Variants in NCL observed in about 807,000 individuals in gnomAD.
The protein encoded by NCL is nucleolin multifunctional protein.
Under a neutral mutation model 77.7 loss-of-function variants are expected in NCL, and 4 were observed. The ratio of observed to expected loss-of-function variants is 0.05; its 90% CI spans 0.03 to 0.12. NCL has a LOEUF of 0.12. Among genes scored for constraint, NCL ranks in the 10% least tolerant of loss-of-function variants. The pLI is 1.00. For missense variants in NCL, 763 were observed against 860.9 expected, an observed-to-expected ratio of 0.89 and a Z score of 1.42; for synonymous variants, 344 against 297.8, an observed-to-expected ratio of 1.16 and a Z score of -1.60.
At chr2:231,458,810 A>G (rs1047402104) in intron 7 of NCL, 191 bp downstream of exon 7, 27 of 585,138 alleles carry the variant, frequency 4.6e-5, no homozygotes, top group South Asian at 1.4e-4. Flanking sequence ...AATTTACACT[A>G]TAACACTGAC....
Position 231,460,277 on chromosome 2 carries a change from C to T in NCL, c.915G>A (p.Thr305=), listed in dbSNP as rs759669202. The change falls in exon 6 of 14, where the codon ACG becomes ACA. Residue 305 remains threonine, a synonymous_variant. Coordinates refer to ENST00000322723, the MANE Select transcript of NCL (RefSeq NM_005381.3). The stretch of plus-strand genomic sequence containing the variant: ...GGTTTCCAACAAAGAGATTGAAAGC[C>T]GTAGTCGGTTCTGTGCCTGCACAAA... The part of the protein sequence containing the change: ...KQKVEGTEPT[T]AFNLFVGNLN... The T allele has an allele frequency of 1.6e-5, 26 of 1,613,992 alleles. No homozygotes were observed. The highest frequency in any genetic ancestry group is 2.2e-5 in the South Asian group (2 of 91,036).
chr2:231,458,620 C>A (rs2046915635), intron 7 of NCL: 1 of 559,306 alleles, frequency 1.8e-6, no homozygotes. Flanking sequence ...TGGAGTTCAA[C>A]CTAGAGTAGA....
At chr2:231,458,545 G>T in intron 7 of NCL, 156 bp from the exon 8 acceptor site, 1 of 919,218 alleles carries the variant, frequency 1.1e-6, no homozygotes, top group Non-Finnish European at 1.6e-6. Flanking sequence ...AGATATAGCA[G>T]TGTCAACACA....
chr2:231,456,236 T>C (rs1259273719), intron 11 of NCL, 100 bp from the exon 12 acceptor site: 28 of 1,482,946 alleles, frequency 1.9e-5, no homozygotes, highest in Non-Finnish European at 2.6e-5. Flanking sequence ...ATACTTGTTA[T>C]AGTGAAAAAG....
At chr2:231,458,522 G>A (rs892054693) in intron 7 of NCL, 133 bp from the exon 8 acceptor site, 1 of 1,159,576 alleles carries the variant, frequency 8.6e-7, no homozygotes, top group Admixed American at 2.7e-5. Flanking sequence ...ACAAGGCTCG[G>A]TGCTAAATAT....
rs2305264 is a variant in NCL at position 231,456,787 on chromosome 2, T to G, written c.1572-23A>C. On this transcript the variant is annotated intron_variant, in intron 10 of 13. Transcript: ENST00000322723. ...TACCTGAGGATGAACAGTTAATGCT[T>G]AGAGTAAGTTACCAGGCACATGCTC... 7.0e-4 allele frequency: 1,128 copies of G among 1,612,994 alleles called. 25 individuals are homozygous for G. In the East Asian group the frequency reaches 0.024, roughly 35 times the overall value.
rs755241634 is a variant in NCL at position 231,454,869 on chromosome 2, A to AC, written c.*321_*322insG. 4.7e-6 allele frequency: 1 copy of AC among 214,272 alleles called. No individual in the cohort carries two copies. The highest frequency in any genetic ancestry group is 9.3e-6 in the Non-Finnish European group (1 of 107,592). The allele number at this position is 214,272 out of a possible 1,614,324, so 13.3% of individuals were successfully genotyped here. On this transcript the variant is annotated 3_prime_UTR_variant, in exon 14 of 14. Coordinates refer to ENST00000322723, the MANE Select transcript of NCL (RefSeq NM_005381.3). ...CGCAAAAAAAAAAAAAACAAAAACA[A>AC]AACAAAAAAAAGAAACAACAACAAA...
chr2:231,456,726 T>G lies in NCL; in HGVS notation c.1610A>C (p.Lys537Thr), dbSNP rs749795255. 1 of 1,614,188 alleles carries G rather than the reference T, an allele frequency of 6.2e-7. No homozygotes were observed. ...FIEFASFEDA[K>T]EALNSCNKRE... The stretch of plus-strand genomic sequence containing the variant: ...TTTATTACAGGAATTTAAAGCTTCT[T>G]TAGCGTCTTCGAATGAAGCAAACTC... The change falls in exon 11 of 14, where the codon AAA (lysine) becomes ACA (threonine). Residue 537 changes from lysine (K) to threonine (T), a missense_variant. By Grantham distance (78) the Lys-to-Thr change is moderately conservative. This residue lies in a region of NCL where 173 missense variants were observed against 290.4 expected (regional missense o/e 0.60). Transcript: ENST00000322723.
rs1463914802 is a variant in NCL at position 231,457,776 on chromosome 2, T to C, written c.1314A>G (p.Thr438=). 6.2e-7 allele frequency: 1 copy of C among 1,610,538 alleles called. No individual in the cohort carries two copies. The highest frequency in any genetic ancestry group is 8.5e-7 in the Non-Finnish European group (1 of 1,178,562). The part of the protein sequence containing the change: ...SKGIAYIEFK[T]EADAEKTFEE... The stretch of plus-strand genomic sequence containing the variant: ...CAAAGGTTTTCTCTGCATCAGCTTC[T>C]GTCTTAAATTCAATATAAGCAATCC... Residue 438 remains threonine, a synonymous_variant, in exon 9 of 14, where the codon ACA becomes ACG. Coordinates refer to ENST00000322723, the MANE Select transcript of NCL (RefSeq NM_005381.3).
At chr2:231,457,492 A>C (rs879382767) in intron 9 of NCL, 151 bp downstream of exon 9, 1 of 852,378 alleles carries the variant, frequency 1.2e-6, no homozygotes, top group South Asian at 1.6e-5. Flanking sequence ...ACTATTCCAA[A>C]TAAGAGTATG....
At chr2:231,455,700 G>T in intron 12 of NCL, 76 bp from the exon 13 acceptor site, 1 of 1,493,144 alleles carries the variant, frequency 6.7e-7, no homozygotes. Context: ...ACATGCTGGG[G>T]AGCCATCCCA....
chr2:231,462,353 T>C (rs1226323515), intron 2 of NCL, among the ~76,000 whole-genome samples: 1 of 152,218 alleles, frequency 6.6e-6, no homozygotes, highest in Admixed American at 6.5e-5. Context: ...GGATCATGAA[T>C]TGCTATGTGT....
At chr2:231,460,323 T>C (rs1190190523) in intron 5 of NCL, 30 bp from the exon 6 acceptor site, 1 of 1,614,072 alleles carries the variant, frequency 6.2e-7, no homozygotes, top group African/African-American at 1.3e-5. Context: ...CTCAGTCTAC[T>C]TGTAGTGTGG....
In NCL at chr2:231,461,958, G is replaced by A. The variant is rs768768923; in HGVS notation, c.195C>T (p.Val65=). 9 of 1,614,018 alleles carry A rather than the reference G, an allele frequency of 5.6e-6. No homozygotes were observed. Among genetic ancestry groups the A allele is most frequent in the African/African-American group, 1.3e-5 (1 of 74,924 alleles). The change falls in exon 3 of 14, where the codon GTC becomes GTT. Residue 65 remains valine, a synonymous_variant. Coordinates refer to ENST00000322723, the MANE Select transcript of NCL (RefSeq NM_005381.3). ...KAAATSAKKV[V]VSPTKKVAVA... ...CTGCAACCTTTTTTGTTGGGGAAAC[G>A]ACCACCTTCTTTGCTGAGGTTGCAG...
intron 7 of NCL, 178 bp from the exon 8 acceptor site, chr2:231,458,567 T>C: frequency 1.3e-6 from 1 of 766,986 alleles, no homozygotes; most frequent in Non-Finnish European, 2.0e-6. Context: ...AAGTGGTCCC[T>C]CCATGTTGTC....
At chr2:231,458,581 G>T in intron 7 of NCL, 192 bp from the exon 8 acceptor site, 1 of 696,316 alleles carries the variant, frequency 1.4e-6, no homozygotes, top group Non-Finnish European at 2.3e-6. Context: ...TGTTGTCACA[G>T]CTGATGTCAA....
Position 231,461,663 on chromosome 2 carries a change from C to T in NCL, c.490G>A (p.Asp164Asn). 1 of 1,611,362 alleles carries T rather than the reference C, an allele frequency of 6.2e-7. No individual in the cohort carries two copies. The highest frequency in any genetic ancestry group is 8.5e-7 in the Non-Finnish European group (1 of 1,177,536). ...GGTTCAATTTCATCTTCATCCTCATCCTCGTCCTCGTCATCCTCCTCATCC... is the reference window on the plus strand; with the variant it reads ...GGTTCAATTTCATCTTCATCCTCATTCTCGTCCTCGTCATCCTCCTCATCC... ...EEDEEDDEDE[D>N]EDEDEIEPAA... The change falls in exon 3 of 14, where the codon GAT becomes AAT. Residue 164 changes from aspartate (D) to asparagine (N), a missense_variant. Around this residue, in one of 2 missense-constraint regions of NCL, gnomAD observed 590 missense variants for 570.5 expected, o/e 1.03. Transcript: ENST00000322723.
intron 1 of NCL, chr2:231,463,625 G>T: frequency 9.1e-6 from 3 of 328,448 alleles, no homozygotes; most frequent in Non-Finnish European, 1.7e-5. Flanking sequence ...TACAAATCCC[G>T]GTACTTTATT....
At position 231,457,815 on chromosome 2, in the gene NCL, G is replaced by A. The variant is rs1287918664; in HGVS notation, c.1290-15C>T. Reference sequence around the variant, plus strand: ...TATAAGCAATCCTGCAATGGAGGGAGAAGAACTCATGGTTTTTAAAACCAT... The same window carrying A: ...TATAAGCAATCCTGCAATGGAGGGAAAAGAACTCATGGTTTTTAAAACCAT... On this transcript the variant is annotated splice_polypyrimidine_tract_variant and intron_variant, in intron 8 of 13. Transcript: ENST00000322723. 10 of 1,581,214 alleles carry A rather than the reference G, an allele frequency of 6.3e-6. No homozygotes were observed. The highest frequency in any genetic ancestry group is 1.2e-5 in the South Asian group (1 of 84,854).
Sources: gnomAD v4.1 joint callset for allele counts (sites outside exome capture counted in the v4.1 genomes callset) on GRCh38, gnomAD v4.1.1 for gene constraint, gnomAD v4.1.1 regional missense constraint, MANE v1.5 for transcripts, NCBI Gene and HGNC (gene_info 2026-07-23, HGNC 2026-07-21) for gene names.